The following COG5 variants were observed in gnomAD, a reference collection of about 807,000 sequenced individuals.
COG5 encodes the protein component of oligomeric golgi complex 5.
COG5 carries 86 observed loss-of-function variants against 110.4 expected under a neutral mutation model. The observed-to-expected ratio is 0.78, with a 90% confidence interval of 0.65 to 0.93. The LOEUF is 0.93. COG5 is among the 40% of genes least tolerant of loss of function. The probability of loss-of-function intolerance (pLI) is 0.00; values close to 1 mark genes in which losing one functional copy is unlikely to be tolerated. For synonymous variants in COG5, 360 were observed against 334.6 expected (o/e 1.08, Z -0.83); for missense variants, 1,077 against 987.0 (o/e 1.09, Z -1.22).
At position 107,298,173 on chromosome 7, in the gene COG5, C is replaced by G; in HGVS notation, c.1282G>C (p.Asp428His). The change falls in exon 12 of 22, where the codon GAT becomes CAT. Residue 428 changes from aspartate to histidine, a missense_variant. Transcript: ENST00000297135. ...DLQHMEDDAQ[D>H]IFIPKKPDYD... ...TCTGGCTTTTTTGGTATGAATATAT[C>G]TTGTGCATCATCTTCCATGTGTTGT... The G allele has an allele frequency of 6.2e-7, 1 of 1,611,454 alleles. No individual in the cohort carries two copies. Among genetic ancestry groups the G allele is most frequent in the Non-Finnish European group, 8.5e-7 (1 of 1,178,516 alleles).
chr7:107,215,134 A>T (rs1288186065), intron 19 of COG5, among the ~76,000 whole-genome samples: 2 of 152,154 alleles, frequency 1.3e-5, no homozygotes, highest in Admixed American at 1.3e-4. Flanking sequence ...GTAAGTACAA[A>T]ACAACAATCT....
intron 7 of COG5, among the ~76,000 whole-genome samples, chr7:107,412,012 A>G (rs1271984178): frequency 6.6e-6 from 1 of 152,132 alleles, no homozygotes; most frequent in African/African-American, 2.4e-5. Flanking sequence ...AAATTTTTTA[A>G]ATTATGGCAT....
chr7:107,255,508 T>C (rs571119066), intron 16 of COG5, among the ~76,000 whole-genome samples: 14 of 152,206 alleles, frequency 9.2e-5, no homozygotes, highest in East Asian at 7.7e-4. Flanking sequence ...CCCTTTAGGA[T>C]TTGTGACACA....
At chr7:107,304,087 G>T (rs1302027106) in intron 11 of COG5, among the ~76,000 whole-genome samples, 1 of 152,034 alleles carries the variant, frequency 6.6e-6, no homozygotes, top group Non-Finnish European at 1.5e-5. Flanking sequence ...GGTAATAATA[G>T]GTCTGGGGAA....
intron 6 of COG5, among the ~76,000 whole-genome samples, chr7:107,425,200 G>A (rs980281360): frequency 6.6e-6 from 1 of 151,756 alleles, no homozygotes; most frequent in Non-Finnish European, 1.5e-5. Flanking sequence ...TGGTTTAGAC[G>A]CAATACTAAA....
At chr7:107,301,803 A>T (rs1013963892) in intron 11 of COG5, among the ~76,000 whole-genome samples, 4 of 152,100 alleles carry the variant, frequency 2.6e-5, no homozygotes, top group African/African-American at 7.2e-5. Context: ...CAGGAGGTGG[A>T]GGTTGCAGTA....
intron 18 of COG5, among the ~76,000 whole-genome samples, 176 bp downstream of exon 18, chr7:107,236,274 T>C (rs1423098228): frequency 6.6e-6 from 1 of 151,466 alleles, no homozygotes. Flanking sequence ...AAAATATATC[T>C]GGTATAAAAG....
intron 5 of COG5, among the ~76,000 whole-genome samples, chr7:107,546,687 A>G (rs1329927558): frequency 6.6e-6 from 1 of 151,970 alleles, no homozygotes; most frequent in East Asian, 1.9e-4. Flanking sequence ...CCAGAAATGA[A>G]AAAAGAAACA....
chr7:107,553,186 A>G (rs568050224), intron 3 of COG5, among the ~76,000 whole-genome samples: 1 of 152,280 alleles, frequency 6.6e-6, no homozygotes, highest in Non-Finnish European at 1.5e-5. Context: ...AAACCTCAGC[A>G]TTATGTAATA....
At chr7:107,369,680 C>A (rs1050573385) in intron 8 of COG5, among the ~76,000 whole-genome samples, 2 of 152,234 alleles carry the variant, frequency 1.3e-5, no homozygotes, top group Non-Finnish European at 2.9e-5. Flanking sequence ...TGAGCCAACA[C>A]GCCGGCCAGG....
chr7:107,435,001 C>T (rs187084987), intron 6 of COG5, among the ~76,000 whole-genome samples: 1 of 151,494 alleles, frequency 6.6e-6, no homozygotes, highest in African/African-American at 2.4e-5. Context: ...AATCCTGTCA[C>T]ATATTGCAAC....
intron 7 of COG5, among the ~76,000 whole-genome samples, chr7:107,383,337 C>T (rs558576019): frequency 7.9e-5 from 12 of 152,142 alleles, no homozygotes; most frequent in African/African-American, 2.9e-4. Flanking sequence ...CTGAGGGATC[C>T]AGAGGCAGAT....
At chr7:107,466,633 T>C (rs1021281351) in intron 6 of COG5, among the ~76,000 whole-genome samples, 15 of 152,352 alleles carry the variant, frequency 9.8e-5, no homozygotes, top group Non-Finnish European at 2.1e-4. Flanking sequence ...GTTCAGCAGA[T>C]GGTCCATTTC....
At chr7:107,442,286 T>A (rs1563037613) in intron 6 of COG5, among the ~76,000 whole-genome samples, 1 of 152,166 alleles carries the variant, frequency 6.6e-6, no homozygotes, top group Non-Finnish European at 1.5e-5. Context: ...CCACCATGAT[T>A]ATAAGTCTCC....
At chr7:107,412,391 C>T (rs1584789400) in intron 7 of COG5, 111 bp downstream of exon 7, 2 of 960,874 alleles carry the variant, frequency 2.1e-6, no homozygotes, top group Non-Finnish European at 3.2e-6. Flanking sequence ...GACATACTTT[C>T]TCAGTGATAT....
intron 16 of COG5, among the ~76,000 whole-genome samples, chr7:107,251,343 G>A: frequency 6.6e-6 from 1 of 152,012 alleles, no homozygotes; most frequent in Non-Finnish European, 1.5e-5. Context: ...AATTAGGAGT[G>A]TTCTTTGCCA....
chr7:107,427,138 T>G (rs868435349), intron 6 of COG5, among the ~76,000 whole-genome samples: 3 of 152,140 alleles, frequency 2.0e-5, no homozygotes, highest in Non-Finnish European at 4.4e-5. Flanking sequence ...CATAAACACT[T>G]TATTGACCTC....
intron 6 of COG5, among the ~76,000 whole-genome samples, chr7:107,506,660 TCCAG>T (rs1297704594): frequency 6.6e-6 from 1 of 152,134 alleles, no homozygotes; most frequent in Non-Finnish European, 1.5e-5. Context: ...AGTAGCAGCA[TCCAG>T]CTAAGTTCTA....
At chr7:107,456,173 A>G (rs139912416) in intron 6 of COG5, among the ~76,000 whole-genome samples, 2 of 152,322 alleles carry the variant, frequency 1.3e-5, no homozygotes, top group East Asian at 3.9e-4. Flanking sequence ...GTTCTAACAT[A>G]AGAAACAAGG....
Sources: allele counts gnomAD v4.1 joint callset (sites outside exome capture counted in the v4.1 genomes callset), GRCh38; gene constraint gnomAD v4.1.1; transcripts MANE v1.5; gene names NCBI Gene and HGNC (gene_info 2026-07-23, HGNC 2026-07-21).